The following VRK2 variants were observed in gnomAD, a reference collection of about 807,000 sequenced individuals.
The protein encoded by VRK2 is VRK serine/threonine kinase 2.
VRK2 carries 60 observed loss-of-function variants against 57.6 expected under a neutral mutation model. The ratio of observed to expected loss-of-function variants is 1.04; its 90% CI spans 0.85 to 1.29. The LOEUF (loss-of-function observed/expected upper bound fraction) is 1.29, where lower values mean the gene tolerates loss of function less well. Ranked by LOEUF, VRK2 falls within the 50% of genes most tolerant of loss-of-function variation. The pLI is 0.00. For synonymous variants in VRK2, 231 were observed against 199.2 expected (o/e 1.16, Z -1.35); for missense variants, 705 against 588.1 (o/e 1.20, Z -2.06).
intron 1 of VRK2, among the ~76,000 whole-genome samples, chr2:57,976,033 TGTGATAA>T (rs1672242543): frequency 6.6e-6 from 1 of 152,092 alleles, no homozygotes; most frequent in Non-Finnish European, 1.5e-5. Flanking sequence ...TTTCTGTTTC[TGTGATAA>T]GTCACTTAGG....
At chr2:57,946,575 T>C (rs950872244) in intron 1 of VRK2, among the ~76,000 whole-genome samples, 1 of 152,150 alleles carries the variant, frequency 6.6e-6, no homozygotes, top group Non-Finnish European at 1.5e-5. Context: ...CACTTATTGA[T>C]TTGGCTTCCC....
At chr2:58,002,530 AT>A (rs1215286365) in intron 1 of VRK2, among the ~76,000 whole-genome samples, 1 of 152,100 alleles carries the variant, frequency 6.6e-6, no homozygotes, top group Non-Finnish European at 1.5e-5. Flanking sequence ...GACCACACTT[AT>A]TTTGAGAATG....
intron 8 of VRK2, among the ~76,000 whole-genome samples, chr2:58,129,076 G>A (rs1289195202): frequency 5.9e-5 from 9 of 152,152 alleles, no homozygotes. Context: ...ATATTGGTAA[G>A]CTCAATATAA....
intron 1 of VRK2, among the ~76,000 whole-genome samples, chr2:57,974,100 A>G (rs1672174765): frequency 6.6e-6 from 1 of 151,942 alleles, no homozygotes; most frequent in Non-Finnish European, 1.5e-5. Context: ...AGATTAAAGA[A>G]TGCTGGGAAA....
chr2:58,055,303 A>G (rs1351432561), intron 2 of VRK2, among the ~76,000 whole-genome samples: 2 of 152,162 alleles, frequency 1.3e-5, no homozygotes, highest in East Asian at 3.9e-4. Flanking sequence ...AATCAAGTTT[A>G]AGTATCAGGG....
chr2:58,034,112 G>A (rs1025012460), intron 3 of VRK2, among the ~76,000 whole-genome samples: 1 of 151,960 alleles, frequency 6.6e-6, no homozygotes, highest in Non-Finnish European at 1.5e-5. Context: ...TTAGTAGCTA[G>A]TCTTAATATA....
chr2:58,133,049 C>G (rs1051741866), intron 9 of VRK2, among the ~76,000 whole-genome samples: 1 of 151,944 alleles, frequency 6.6e-6, no homozygotes, highest in East Asian at 1.9e-4. Context: ...AACTAGTTTA[C>G]CTAATTAGAA....
intron 11 of VRK2, among the ~76,000 whole-genome samples, chr2:58,142,691 G>A (rs1011404169): frequency 1.3e-5 from 2 of 151,776 alleles, no homozygotes; most frequent in African/African-American, 2.4e-5. Context: ...GCTTATTGAG[G>A]TGAGCTAAAG....
chr2:57,958,876 G>A (rs1031363264), intron 1 of VRK2, among the ~76,000 whole-genome samples: 3 of 152,166 alleles, frequency 2.0e-5, no homozygotes, highest in Admixed American at 6.6e-5. Context: ...AGGGCATACA[G>A]ATGTAGATCA....
At chr2:58,075,654 T>TG (rs982595026) in intron 2 of VRK2, among the ~76,000 whole-genome samples, 8 of 152,118 alleles carry the variant, frequency 5.3e-5, no homozygotes, top group African/African-American at 1.7e-4. Context: ...ATTTTTTTGG[T>TG]GGGGGGCCTA....
chr2:57,959,486 A>C lies in VRK2; in HGVS notation c.-439+51647A>C, dbSNP rs1046455305. ...ATTGGCTCTCCTGGAGGGATAGGTA[A>C]TTGTACCTGACTACACAAGCTGTCC... On this transcript the variant is annotated intron_variant, in intron 1 of 15. Transcript: ENST00000417641. 2.0e-5 allele frequency among the ~76,000 whole-genome samples: 3 copies of C among 152,072 alleles called. No individual in the cohort carries two copies. In the South Asian group the frequency reaches 6.2e-4, roughly 32 times the overall value.
chr2:58,115,679 G>A (rs866116775), intron 7 of VRK2, among the ~76,000 whole-genome samples: 2 of 152,202 alleles, frequency 1.3e-5, no homozygotes, highest in South Asian at 4.1e-4. Flanking sequence ...AATTGGACAT[G>A]ATCAGCAGGG....
At chr2:58,147,074 C>A in intron 12 of VRK2, 1 of 471,884 alleles carries the variant, frequency 2.1e-6, no homozygotes, top group Non-Finnish European at 4.2e-6. Context: ...TCATTTCCCC[C>A]AAATGATTTG....
At chr2:58,041,123 T>C (rs1276831060) in intron 3 of VRK2, 2 of 961,512 alleles carry the variant, frequency 2.1e-6, no homozygotes, top group East Asian at 1.1e-4. Context: ...TAACCTTTTA[T>C]GGTGCTCGTA....
intron 1 of VRK2, among the ~76,000 whole-genome samples, chr2:57,962,075 C>G (rs1158712439): frequency 6.6e-6 from 1 of 152,078 alleles, no homozygotes; most frequent in Non-Finnish European, 1.5e-5. Flanking sequence ...AGACTTGTCT[C>G]TAAAACAAAC....
chr2:57,967,669 T>G (rs935744737), intron 1 of VRK2, among the ~76,000 whole-genome samples: 3 of 151,248 alleles, frequency 2.0e-5, no homozygotes, highest in African/African-American at 7.4e-5. Flanking sequence ...GTTAGAGCAC[T>G]TAAGCAATTA....
In VRK2 at chr2:58,139,644, TAAA is replaced by T; in HGVS notation, c.857-18_857-16del. The T allele has an allele frequency of 6.3e-7, 1 of 1,599,774 alleles. No homozygotes were observed. The highest frequency in any genetic ancestry group is 2.2e-5 in the East Asian group (1 of 44,678). On this transcript the variant is annotated intron_variant, in intron 10 of 12. Coordinates refer to ENST00000340157, the MANE Select transcript of VRK2 (RefSeq NM_006296.7). ...ATTCTTGCCAATTGTGAATGACATG[TAAA>T]AAATTTAATAATTCACAGGTGAAAT...
intron 7 of VRK2, among the ~76,000 whole-genome samples, chr2:58,120,184 C>CTTTCTTTTTTTTTTTTTTTTTTTTTT (rs1677215194): frequency 3.8e-5 from 2 of 51,986 alleles, no homozygotes; most frequent in African/African-American, 2.1e-4. Flanking sequence ...TTTTTCTTTT[C>CTTTCTTTTTTTTTTTTTTTTTTTTTT]TTTTTTTTTT....
Position 58,048,889 on chromosome 2 carries a change from G to A in VRK2, c.58G>A (p.Val20Ile), listed in dbSNP as rs370499341. The change falls in exon 2 of 13, where the codon GTT becomes ATT. Residue 20 changes from valine (V) to isoleucine (I), a missense_variant. Physicochemically the swap from Val to Ile is conservative, Grantham distance 29. Coordinates refer to ENST00000340157, the MANE Select transcript of VRK2 (RefSeq NM_006296.7). The stretch of plus-strand genomic sequence containing the variant: ...TCCTATTCCATTTCCAGAAGGCAAG[G>A]TTCTGGATGATATGGAAGGCAATCA... ...KLPIPFPEGK[V>I]LDDMEGNQWV... 207 of 1,613,998 alleles carry A rather than the reference G, an allele frequency of 1.3e-4. 2 individuals are homozygous for A. The South Asian group carries it at 2.1e-3, about 16-fold the overall frequency.
Sources: allele counts gnomAD v4.1 joint callset (sites outside exome capture counted in the v4.1 genomes callset), GRCh38; gene constraint gnomAD v4.1.1; transcripts MANE v1.5; gene names NCBI Gene and HGNC (gene_info 2026-07-23, HGNC 2026-07-21).